FYN: variants seen among roughly 807,000 people sequenced by gnomAD.
FYN encodes the protein FYN proto-oncogene, Src family tyrosine kinase.
In FYN, 10 loss-of-function variants were observed where a neutral mutation model predicts 70.2. The ratio of observed to expected loss-of-function variants is 0.14; its 90% confidence interval spans 0.09 to 0.24. The LOEUF is 0.24. Ranked by LOEUF, FYN falls within the 10% of genes least tolerant of loss-of-function variation. FYN has a pLI of 1.00. For missense variants in FYN, 319 were observed against 673.1 expected (o/e 0.47, Z 5.82); for synonymous variants, 236 against 248.6 (o/e 0.95, Z 0.48).
intron 3 of FYN, among the ~76,000 whole-genome samples, chr6:111,725,981 G>C (rs568700846): frequency 1.9e-4 from 29 of 152,324 alleles, no homozygotes; most frequent in African/African-American, 7.0e-4. Flanking sequence ...TTAAAAGTGA[G>C]AGAGGCCTTC....
At chr6:111,810,254 G>C (rs1772282065) in intron 2 of FYN, among the ~76,000 whole-genome samples, 1 of 152,076 alleles carries the variant, frequency 6.6e-6, no homozygotes, top group Non-Finnish European at 1.5e-5. Flanking sequence ...CTTGTCTGTT[G>C]GCATCAGGTC....
At chr6:111,760,382 G>A (rs1035524159) in intron 3 of FYN, among the ~76,000 whole-genome samples, 4 of 152,090 alleles carry the variant, frequency 2.6e-5, no homozygotes, top group East Asian at 3.9e-4. Flanking sequence ...TGGGCTCCTC[G>A]CAGCTGTAGA....
intron 2 of FYN, among the ~76,000 whole-genome samples, chr6:111,805,472 G>A (rs764769447): frequency 1.3e-5 from 2 of 152,200 alleles, no homozygotes; most frequent in Non-Finnish European, 2.9e-5. Context: ...ACACATGTGA[G>A]ACGCTGCTGT....
chr6:111,699,920 T>A, intron 9 of FYN, 184 bp downstream of exon 9: 1 of 494,460 alleles, frequency 2.0e-6, no homozygotes, highest in Non-Finnish European at 3.2e-6. Context: ...TATCTTTTTT[T>A]TTTTTTTTTT....
At chr6:111,728,929 CA>C (rs1346066048) in intron 3 of FYN, among the ~76,000 whole-genome samples, 1 of 151,356 alleles carries the variant, frequency 6.6e-6, no homozygotes, top group African/African-American at 2.4e-5. Context: ...ATATTGGCAA[CA>C]AAAAAAGGAA....
In FYN at chr6:111,737,590, C is replaced by T. The variant is rs532512455; in HGVS notation, c.-11-17528G>A. Among the ~76,000 whole-genome samples, 5 of 152,358 alleles carry T rather than the reference C, an allele frequency of 3.3e-5. No individual in the cohort carries two copies. The South Asian group carries it at 1.0e-3, about 32-fold the overall frequency. Reference sequence around the variant, plus strand: ...CCCTGCCACCCTCCAGGAACCTGCACATGTTCAGCTATCTAGAAGCTCTCC... The same window carrying T: ...CCCTGCCACCCTCCAGGAACCTGCATATGTTCAGCTATCTAGAAGCTCTCC... On this transcript the variant is annotated intron_variant, in intron 3 of 13. Coordinates refer to ENST00000354650, the MANE Select transcript of FYN (RefSeq NM_002037.5).
At chr6:111,832,442 G>A (rs776764029) in intron 2 of FYN, among the ~76,000 whole-genome samples, 17 of 151,966 alleles carry the variant, frequency 1.1e-4, no homozygotes, top group Non-Finnish European at 1.6e-4. Flanking sequence ...TGCTTTATAC[G>A]TTCCTTAGGA....
intron 13 of FYN, among the ~76,000 whole-genome samples, chr6:111,663,131 C>T (rs1797835436): frequency 6.6e-6 from 1 of 152,334 alleles, no homozygotes; most frequent in Middle Eastern, 3.4e-3. Context: ...TGCCAGCTCC[C>T]CGTCAAGCTG....
intron 3 of FYN, among the ~76,000 whole-genome samples, chr6:111,752,907 T>G (rs1802550479): frequency 6.6e-6 from 1 of 152,106 alleles, no homozygotes; most frequent in Admixed American, 6.5e-5. Context: ...TGTGAACTGG[T>G]GGAATGGAAC....
At chr6:111,690,058 G>A (rs1006290290) in intron 12 of FYN, among the ~76,000 whole-genome samples, 5 of 152,188 alleles carry the variant, frequency 3.3e-5, no homozygotes, top group African/African-American at 1.2e-4. Flanking sequence ...AGAGTCTGCA[G>A]AGGATTTTCC....
At chr6:111,690,911 T>C (rs1167925376) in intron 12 of FYN, among the ~76,000 whole-genome samples, 1 of 152,196 alleles carries the variant, frequency 6.6e-6, no homozygotes, top group Non-Finnish European at 1.5e-5. Context: ...AGTCTTAGGC[T>C]TCTTGATATC....
intron 12 of FYN, among the ~76,000 whole-genome samples, chr6:111,691,930 C>T (rs1799336461): frequency 6.6e-6 from 1 of 152,136 alleles, no homozygotes; most frequent in East Asian, 1.9e-4. Context: ...TTACTTAACC[C>T]CTCTGAGTCT....
At chr6:111,757,220 T>A (rs1242243075) in intron 3 of FYN, among the ~76,000 whole-genome samples, 3 of 152,204 alleles carry the variant, frequency 2.0e-5, no homozygotes, top group Admixed American at 6.5e-5. Flanking sequence ...AAAGTTATTT[T>A]AAAAAATTGA....
rs140660396 is a variant in FYN at position 111,781,505 on chromosome 6, C to T, written c.-81-870G>A. ...GTCTTTCCTCAACGGATGCACCTTC[C>T]ACCACTTCCTATGACCTGCGAATTT... On this transcript the variant is annotated intron_variant, in intron 2 of 13. Coordinates refer to ENST00000354650, the MANE Select transcript of FYN (RefSeq NM_002037.5). 7.0e-3 allele frequency among the ~76,000 whole-genome samples: 1,062 copies of T among 152,288 alleles called. 4 individuals carry two copies. Among genetic ancestry groups the T allele is most frequent in the Middle Eastern group, 0.017 (5 of 294 alleles).
intron 3 of FYN, among the ~76,000 whole-genome samples, chr6:111,732,637 C>A (rs552390529): frequency 2.0e-5 from 3 of 152,346 alleles, no homozygotes; most frequent in East Asian, 1.9e-4. Context: ...GACTCTCTTG[C>A]AGCTAGGTGT....
rs1020256786 is a variant in FYN, at chr6:111,694,911, G to C, written c.1043-207C>G. ...AACAGTTACCTTTTAAAAACAAACA[G>C]CATTAATTCCATTTCTAGGAATAAC... is the stretch of plus-strand genomic sequence containing the variant. On this transcript the variant is annotated intron_variant, in intron 10 of 13. Coordinates refer to ENST00000354650, the MANE Select transcript of FYN (RefSeq NM_002037.5). This position sits in a 1 kb window ranked among gnomAD's most constrained non-coding sequence, Gnocchi z 5.0. 2.6e-5 allele frequency among the ~76,000 whole-genome samples: 4 copies of C among 152,154 alleles called. No homozygotes were observed. The highest frequency in any genetic ancestry group is 4.4e-5 in the Non-Finnish European group (3 of 68,028).
intron 3 of FYN, among the ~76,000 whole-genome samples, chr6:111,737,072 C>T (rs1362038131): frequency 6.6e-6 from 1 of 152,176 alleles, no homozygotes; most frequent in South Asian, 2.1e-4. Flanking sequence ...TTTTGTGCCT[C>T]AAACACTCGA....
intron 2 of FYN, among the ~76,000 whole-genome samples, chr6:111,800,446 T>G (rs1296364633): frequency 6.6e-6 from 1 of 151,900 alleles, no homozygotes; most frequent in African/African-American, 2.4e-5. Context: ...GCAGGAGGGA[T>G]GGACACAACT....
chr6:111,868,421 A>G (rs1163361782), intron 1 of FYN, among the ~76,000 whole-genome samples: 4 of 152,198 alleles, frequency 2.6e-5, no homozygotes, highest in African/African-American at 2.4e-5. Flanking sequence ...AAATAATCAC[A>G]CAGAGTAAAA....
Sources: allele counts gnomAD v4.1 joint callset (sites outside exome capture counted in the v4.1 genomes callset), GRCh38; gene constraint gnomAD v4.1.1; non-coding constraint Gnocchi (gnomAD v3.1); transcripts MANE v1.5; gene names NCBI Gene and HGNC (gene_info 2026-07-23, HGNC 2026-07-21).